PRELID2: variants seen among roughly 807,000 people sequenced by gnomAD.
PRELID2 encodes the protein PRELI domain-containing protein 2.
Under a neutral mutation model 28.4 loss-of-function variants are expected in PRELID2, and 25 were observed. That is an observed-to-expected ratio of 0.88 (90% confidence interval 0.64 to 1.23). PRELID2 has a LOEUF of 1.23. PRELID2 is among the 50% of genes most tolerant of loss of function. PRELID2 has a pLI of 0.00. For missense variants in PRELID2, 201 were observed against 214.4 expected (o/e 0.94, Z 0.39); for synonymous variants, 76 against 71.6 (o/e 1.06, Z -0.31).
intron 5 of PRELID2, among the ~76,000 whole-genome samples, chr5:145,767,356 G>C (rs1460193147): frequency 6.6e-6 from 1 of 152,014 alleles, no homozygotes; most frequent in Non-Finnish European, 1.5e-5. Context: ...CCCGCTGAGA[G>C]CCACTTCCAC....
the PRELID2 span, among the ~76,000 whole-genome samples, chr5:145,355,765 TA>T: frequency 6.6e-6 from 1 of 152,136 alleles, no homozygotes; most frequent in African/African-American, 2.4e-5. Context: ...TTACTGAAAA[TA>T]AACAGTCTAA....
the PRELID2 span, chr5:145,230,081 C>A: frequency 1.5e-6 from 1 of 649,450 alleles, no homozygotes; most frequent in Non-Finnish European, 2.9e-6. Flanking sequence ...GAGCTGGGGC[C>A]TCCTCAATTT....
the PRELID2 span, among the ~76,000 whole-genome samples, chr5:145,459,833 A>G: frequency 2.7e-5 from 4 of 148,380 alleles, no homozygotes; most frequent in African/African-American, 1.0e-4. Context: ...TTTTTTTGAC[A>G]GAGTCTTTCT....
At chr5:145,605,681 T>C (rs1293724915) in intron 1 of PRELID2, among the ~76,000 whole-genome samples, 3 of 152,044 alleles carry the variant, frequency 2.0e-5, no homozygotes, top group Non-Finnish European at 4.4e-5. Context: ...CATATGAATT[T>C]TAAAATACTT....
the PRELID2 span, among the ~76,000 whole-genome samples, chr5:145,297,492 C>A: frequency 6.6e-6 from 1 of 152,012 alleles, no homozygotes; most frequent in African/African-American, 2.4e-5. Flanking sequence ...CTATCTATGA[C>A]AAACCCACAG....
At chr5:145,559,601 C>T (rs1458206103) in intron 1 of PRELID2, among the ~76,000 whole-genome samples, 2 of 152,100 alleles carry the variant, frequency 1.3e-5, no homozygotes, top group African/African-American at 4.8e-5. Context: ...CCCATGACTC[C>T]TCTATTGCCC....
At chr5:145,502,110 C>T (rs1752364451) in intron 1 of PRELID2, among the ~76,000 whole-genome samples, 1 of 152,082 alleles carries the variant, frequency 6.6e-6, no homozygotes, top group South Asian at 2.1e-4. Flanking sequence ...GTTTAATTGG[C>T]TCACAGTTCT....
At chr5:145,643,353 C>T (rs555431715) in intron 1 of PRELID2, among the ~76,000 whole-genome samples, 15 of 152,288 alleles carry the variant, frequency 9.8e-5, no homozygotes, top group South Asian at 4.1e-4. Flanking sequence ...GATTTTTGCA[C>T]ATTGATTTTG....
At chr5:145,511,262 C>T (rs1415543288) in intron 1 of PRELID2, among the ~76,000 whole-genome samples, 1 of 152,202 alleles carries the variant, frequency 6.6e-6, no homozygotes, top group Admixed American at 6.5e-5. Flanking sequence ...TTGAGACCTA[C>T]AAAGGCCAAA....
At chr5:145,565,461 A>C (rs190873442) in intron 1 of PRELID2, among the ~76,000 whole-genome samples, 2 of 152,248 alleles carry the variant, frequency 1.3e-5, no homozygotes, top group Non-Finnish European at 2.9e-5. Context: ...TAAATCTCAT[A>C]AACTAAGCCT....
chr5:145,257,046 A>T, the PRELID2 span, among the ~76,000 whole-genome samples: 5 of 151,942 alleles, frequency 3.3e-5, no homozygotes, highest in Admixed American at 2.0e-4. Context: ...AGAAAGAAAG[A>T]AAAAAATTCT....
chr5:145,299,258 A>C, the PRELID2 span, among the ~76,000 whole-genome samples: 1 of 152,162 alleles, frequency 6.6e-6, no homozygotes, highest in African/African-American at 2.4e-5. Flanking sequence ...TCTTAGTATT[A>C]TCAGACATTC....
At chr5:145,825,769 G>A (rs758430891) in intron 1 of PRELID2, among the ~76,000 whole-genome samples, 3 of 152,034 alleles carry the variant, frequency 2.0e-5, no homozygotes, top group Non-Finnish European at 4.4e-5. Flanking sequence ...AGAAAGTAGG[G>A]GTTTATTTGC....
intron 1 of PRELID2, among the ~76,000 whole-genome samples, chr5:145,492,955 G>A (rs946082642): frequency 1.4e-5 from 2 of 140,682 alleles, no homozygotes; most frequent in South Asian, 5.3e-4. Flanking sequence ...CAGTGTTGGG[G>A]TAAAAGTCAA....
chr5:145,575,183 G>T (rs770396744), intron 1 of PRELID2, among the ~76,000 whole-genome samples: 1 of 152,012 alleles, frequency 6.6e-6, no homozygotes, highest in Admixed American at 6.6e-5. Context: ...CAGAATCGGG[G>T]TTTGTCTGCC....
At chr5:145,665,458 G>A (rs1232555643) in intron 1 of PRELID2, among the ~76,000 whole-genome samples, 1 of 152,072 alleles carries the variant, frequency 6.6e-6, no homozygotes, top group Non-Finnish European at 1.5e-5. Flanking sequence ...TAGCCTCTAA[G>A]TCAACTTTTC....
chr5:145,351,045 G>C, the PRELID2 span, among the ~76,000 whole-genome samples: 1 of 152,196 alleles, frequency 6.6e-6, no homozygotes. Context: ...ACAACACAGA[G>C]AGTAGGTGCA....
the PRELID2 span, among the ~76,000 whole-genome samples, chr5:145,431,029 T>G: frequency 3.4e-5 from 5 of 147,796 alleles, no homozygotes; most frequent in African/African-American, 1.3e-4. Flanking sequence ...TTTTTTTTTT[T>G]TTTTTTTAAC....
the PRELID2 span, among the ~76,000 whole-genome samples, chr5:145,250,364 T>C: frequency 9.2e-5 from 14 of 152,154 alleles, no homozygotes; most frequent in Admixed American, 3.3e-4. Flanking sequence ...TCTGTGCCAA[T>C]GGTGCTAGAA....
Sources: allele counts gnomAD v4.1 joint callset (sites outside exome capture counted in the v4.1 genomes callset), GRCh38; gene constraint gnomAD v4.1.1; transcripts MANE v1.5; gene names NCBI Gene and HGNC (gene_info 2026-07-23, HGNC 2026-07-21).